ZC3H11A: variants seen among roughly 807,000 people sequenced by gnomAD.
The protein encoded by ZC3H11A is zinc finger CCCH domain-containing protein 11A.
Under a neutral mutation model 90.8 loss-of-function variants are expected in ZC3H11A, and 22 were observed. The observed-to-expected ratio is 0.24, with a 90% CI of 0.17 to 0.35. The LOEUF (loss-of-function observed/expected upper bound fraction) is 0.35. Among genes scored for constraint, ZC3H11A ranks in the 10% least tolerant of loss-of-function variants. The pLI, the probability that ZC3H11A is intolerant of heterozygous loss-of-function variation, is 1.00. For synonymous variants in ZC3H11A, 294 were observed against 339.8 expected (o/e 0.87, Z 1.48); for missense variants, 701 against 964.9 (o/e 0.73, Z 3.62).
chr1:203,797,735 G>A (rs938428887), intron 1 of ZC3H11A: 1 of 1,535,558 alleles, frequency 6.5e-7, no homozygotes, highest in Non-Finnish European at 8.7e-7. Context: ...TGCGAATTAA[G>A]GGGAAAAGGC....
At chr1:203,803,392 TC>T (rs1459951130) in intron 2 of ZC3H11A, among the ~76,000 whole-genome samples, 1 of 151,964 alleles carries the variant, frequency 6.6e-6, no homozygotes, top group Admixed American at 6.5e-5. Context: ...AGTTTCACCA[TC>T]TTGGCCAGGC....
At chr1:203,836,166 TGA>T (rs1448844591) in intron 10 of ZC3H11A, among the ~76,000 whole-genome samples, 1 of 152,186 alleles carries the variant, frequency 6.6e-6, no homozygotes, top group Non-Finnish European at 1.5e-5. Flanking sequence ...GAGGATCCCT[TGA>T]GTCCAGGAGT....
chr1:203,818,424 C>G (rs1171315803), intron 3 of ZC3H11A, 146 bp from the exon 4 acceptor site: 3 of 1,077,242 alleles, frequency 2.8e-6, no homozygotes, highest in Non-Finnish European at 3.9e-6. Context: ...CGGTTTGTTC[C>G]TGTCATTCCA....
At chr1:203,829,425 A>G (rs752619461) in intron 5 of ZC3H11A, 26 bp from the exon 6 acceptor site, 1 of 1,613,574 alleles carries the variant, frequency 6.2e-7, no homozygotes, top group Non-Finnish European at 8.5e-7. Context: ...TCTGTTTTTA[A>G]TTTATGACTG....
chr1:203,808,255 A>G (rs2102573978), intron 2 of ZC3H11A, among the ~76,000 whole-genome samples: 1 of 152,296 alleles, frequency 6.6e-6, no homozygotes, highest in Non-Finnish European at 1.5e-5. Flanking sequence ...TACATTCTGG[A>G]TGAATAGCAT....
chr1:203,850,339 C>G, intron 15 of ZC3H11A, 176 bp from the exon 16 acceptor site: 2 of 894,056 alleles, frequency 2.2e-6, no homozygotes, highest in Admixed American at 3.9e-5. Context: ...ATGGTGACCA[C>G]CTGTAGTGAC....
In ZC3H11A at chr1:203,838,040, A is replaced by G; in HGVS notation, c.949A>G (p.Asn317Asp). The change falls in exon 11 of 18, where the codon AAC (asparagine) becomes GAC (aspartate). Residue 317 changes from asparagine to aspartate, a missense_variant. This residue lies in a region of ZC3H11A where 530 missense variants were observed against 696.2 expected (regional missense o/e 0.76). Transcript: ENST00000367210. ...LGKKVEAPET[N>D]IDKTPKKAQV... is the part of the protein sequence containing the mutation. ...GAAGAAAGTTGAAGCTCCAGAAACT[A>G]ACATTGACAAAACACCAAAGAAAGG... 6.2e-7 allele frequency: 1 copy of G among 1,614,238 alleles called. No homozygotes were observed. Among genetic ancestry groups the G allele is most frequent in the Non-Finnish European group, 8.5e-7 (1 of 1,180,024 alleles).
chr1:203,844,642 A>G (rs1488663078), intron 12 of ZC3H11A, among the ~76,000 whole-genome samples: 1 of 152,026 alleles, frequency 6.6e-6, no homozygotes, highest in Non-Finnish European at 1.5e-5. Context: ...CCTTTCCCCA[A>G]GTTGTCCTCT....
chr1:203,831,164 G>A (rs908098366), intron 8 of ZC3H11A, among the ~76,000 whole-genome samples: 4 of 151,580 alleles, frequency 2.6e-5, no homozygotes, highest in South Asian at 2.1e-4. Flanking sequence ...GGCTGGTCTC[G>A]AACTCCCAAC....
At chr1:203,798,527 T>G (rs1382109298) in intron 1 of ZC3H11A, 1 of 1,536,026 alleles carries the variant, frequency 6.5e-7, no homozygotes, top group Non-Finnish European at 8.7e-7. Flanking sequence ...TAGATGAAGC[T>G]GAGACTGAGA....
chr1:203,852,416 A>G lies in ZC3H11A; in HGVS notation c.*17A>G. 1 of 1,605,828 alleles carries G rather than the reference A, an allele frequency of 6.2e-7. No homozygotes were observed. Among genetic ancestry groups the G allele is most frequent in the Non-Finnish European group, 8.5e-7 (1 of 1,177,328 alleles). Reference sequence around the variant, plus strand: ...GATAGCTGAAGGTGGTAGTGAGGACACTTTAAAAAAAAAATCGCCAAAAAA... The same window carrying G: ...GATAGCTGAAGGTGGTAGTGAGGACGCTTTAAAAAAAAAATCGCCAAAAAA... On this transcript the variant is annotated 3_prime_UTR_variant, in exon 18 of 18. Transcript: ENST00000367210.
intron 5 of ZC3H11A, 83 bp downstream of exon 5, chr1:203,828,505 C>G: frequency 6.8e-7 from 1 of 1,479,670 alleles, no homozygotes; most frequent in Non-Finnish European, 9.2e-7. Flanking sequence ...CAGACATTGA[C>G]TCCTTTCAGT....
In ZC3H11A at chr1:203,805,240, TCTC is replaced by T. The variant is rs529388140; in HGVS notation, c.-146+2227_-146+2229del. Among the ~76,000 whole-genome samples, 248 of 151,220 alleles carry T rather than the reference TCTC, an allele frequency of 1.6e-3. 1 individual carries two copies. The highest frequency in any genetic ancestry group is 5.7e-3 in the African/African-American group (235 of 41,140). Reference sequence around the variant, plus strand: ...CCTCCGCCTCCTGGGTTCAAGCAATTCTCCTGCTTCAGTCTCCCGAGAGTAGGA... The same window carrying T: ...CCTCCGCCTCCTGGGTTCAAGCAATTCTGCTTCAGTCTCCCGAGAGTAGGA... On this transcript the variant is annotated intron_variant, in intron 2 of 17. Transcript: ENST00000367210.
chr1:203,797,591 T>TGATTCTGG, intron 1 of ZC3H11A: 1 of 1,534,416 alleles, frequency 6.5e-7, no homozygotes, highest in East Asian at 2.4e-5. Context: ...ACACTTTTAG[T>TGATTCTGG]GATTCTGGGA....
At chr1:203,839,464 T>G (rs372954198) in intron 11 of ZC3H11A, among the ~76,000 whole-genome samples, 8 of 152,170 alleles carry the variant, frequency 5.3e-5, no homozygotes, top group African/African-American at 1.4e-4. Context: ...GGTGTTTTTT[T>G]CCTTCTCATT....
In ZC3H11A at chr1:203,829,286, A is replaced by G. The variant is rs937103613; in HGVS notation, c.299-165A>G. The stretch of plus-strand genomic sequence containing the variant: ...GAGTTAGTGGAGAGTTAATTAGGTA[A>G]AAGCACATCTTTTCCCTCCCTGGGA... On this transcript the variant is annotated intron_variant, in intron 5 of 17. Coordinates refer to ENST00000367210, the MANE Select transcript of ZC3H11A (RefSeq NM_001376342.1). The G allele has an allele frequency of 3.8e-5, 26 of 683,326 alleles. No individual in the cohort carries two copies. The South Asian group carries it at 5.0e-4, about 13-fold the overall frequency. 42.3% of individuals were successfully genotyped at this position (683,326 alleles called of 1,614,324 possible). A position where few individuals can be genotyped will look rare whatever the true frequency, so the allele number is the denominator to read the frequency against.
At chr1:203,825,428 ATTTTT>A (rs59157538) in intron 4 of ZC3H11A, among the ~76,000 whole-genome samples, 2 of 81,618 alleles carry the variant, frequency 2.5e-5, no homozygotes, top group Non-Finnish European at 4.6e-5. Context: ...ACTGTGGAGG[ATTTTT>A]TTTTTTTTTT....
At chr1:203,836,407 C>A (rs185619059) in intron 10 of ZC3H11A, among the ~76,000 whole-genome samples, 82 of 152,240 alleles carry the variant, frequency 5.4e-4, no homozygotes, top group African/African-American at 1.8e-3. Context: ...ATCTAAAAAA[C>A]CGTTTTTAAA....
chr1:203,797,889 A>T (rs1471900469), intron 1 of ZC3H11A: 1 of 1,536,084 alleles, frequency 6.5e-7, no homozygotes, highest in East Asian at 2.4e-5. Context: ...AGAAAAACAG[A>T]TCTATCTACC....
Sources: allele counts gnomAD v4.1 joint callset (sites outside exome capture counted in the v4.1 genomes callset), GRCh38; gene constraint gnomAD v4.1.1; regional missense constraint gnomAD v4.1.1; transcripts MANE v1.5; gene names NCBI Gene and HGNC (gene_info 2026-07-23, HGNC 2026-07-21).